The following CACNA2D2 variants were observed in gnomAD, a reference collection of about 807,000 sequenced individuals.
CACNA2D2 encodes calcium voltage-gated channel auxiliary subunit alpha2delta 2.
CACNA2D2 carries 48 observed loss-of-function variants against 166.4 expected under a neutral mutation model. The observed-to-expected ratio is 0.29, with a 90% confidence interval of 0.23 to 0.37. CACNA2D2 has a LOEUF of 0.37. Ranked by LOEUF, CACNA2D2 falls within the 10% of genes least tolerant of loss-of-function variation. The pLI, the probability that CACNA2D2 is intolerant of heterozygous loss-of-function variation, is 1.00. For missense variants in CACNA2D2, 1,122 were observed against 1,433.0 expected, an observed-to-expected ratio of 0.78 and a Z score of 3.50; for synonymous variants, 561 against 573.7, an observed-to-expected ratio of 0.98 and a Z score of 0.32.
rs948324431 is a variant in CACNA2D2, at chr3:50,363,295, CATTA to C, written c.*1367_*1370del. On this transcript the variant is annotated 3_prime_UTR_variant, in exon 38 of 38. Coordinates refer to ENST00000424201, the MANE Select transcript of CACNA2D2 (RefSeq NM_006030.4). The stretch of plus-strand genomic sequence containing the variant: ...ACTGAGAAAGCGACAAGCAACATGA[CATTA>C]ATTAACGAAGCCATTAATTAATGCA... The C allele has an allele frequency of 4.8e-5, 19 of 398,696 alleles. No homozygotes were observed. The highest frequency in any genetic ancestry group is 8.2e-5 in the African/African-American group (4 of 48,614). The allele number at this position is 398,696 out of a possible 1,614,324, so 24.7% of individuals were successfully genotyped here. A position where few individuals can be genotyped will look rare whatever the true frequency, so the allele number is the denominator to read the frequency against.
At chr3:50,371,421 G>C (rs942008353) in intron 22 of CACNA2D2, among the ~76,000 whole-genome samples, 5 of 151,984 alleles carry the variant, frequency 3.3e-5, no homozygotes, top group Non-Finnish European at 7.4e-5. Flanking sequence ...TGAGGATGTG[G>C]CCGCTGGGGC....
In CACNA2D2 at chr3:50,367,055, G is replaced by A. The variant is rs772210162; in HGVS notation, c.2456C>T (p.Thr819Ile). 1.2e-6 allele frequency: 2 copies of A among 1,613,810 alleles called. No individual in the cohort carries two copies. Among genetic ancestry groups the A allele is most frequent in the Non-Finnish European group, 8.5e-7 (1 of 1,180,024 alleles). ...ENDTVGILVSTAVELSLGRRT... is the reference protein window; with the variant it reads ...ENDTVGILVSIAVELSLGRRT... Reference sequence around the variant, plus strand: ...CCTGCCTAGGCTGAGCTCCACAGCTGTGCTGACGAGGATGCCCACAGTGTC... The same window carrying A: ...CCTGCCTAGGCTGAGCTCCACAGCTATGCTGACGAGGATGCCCACAGTGTC... The change falls in exon 28 of 38, where the codon ACA (threonine) becomes ATA (isoleucine). Residue 819 changes from threonine (T) to isoleucine (I), a missense_variant. By Grantham distance (89) the Thr-to-Ile change is moderately conservative (BLOSUM62 -1). This residue lies in a region of CACNA2D2 where 840 missense variants were observed against 1,166.8 expected (regional missense o/e 0.72). Coordinates refer to ENST00000424201, the MANE Select transcript of CACNA2D2 (RefSeq NM_006030.4). This position sits in a 1 kb window ranked among gnomAD's most constrained non-coding sequence, Gnocchi z 6.5.
intron 2 of CACNA2D2, among the ~76,000 whole-genome samples, chr3:50,459,799 CT>C (rs1337578452): frequency 6.6e-6 from 1 of 152,244 alleles, no homozygotes; most frequent in East Asian, 1.9e-4. Flanking sequence ...ACCCCACCAG[CT>C]CACTGGCTGC....
intron 2 of CACNA2D2, among the ~76,000 whole-genome samples, chr3:50,468,036 A>C (rs1179098282): frequency 2.0e-5 from 3 of 152,124 alleles, no homozygotes; most frequent in Non-Finnish European, 2.9e-5. Flanking sequence ...ATCCGAGGCA[A>C]GTGTCTCCGT....
At chr3:50,455,706 C>A (rs1320589000) in intron 2 of CACNA2D2, among the ~76,000 whole-genome samples, 1 of 152,166 alleles carries the variant, frequency 6.6e-6, no homozygotes, top group Non-Finnish European at 1.5e-5. Flanking sequence ...GATGGTGACA[C>A]CCCTCCCGCC....
chr3:50,404,456 G>A (rs561529473), intron 3 of CACNA2D2, among the ~76,000 whole-genome samples: 3 of 152,158 alleles, frequency 2.0e-5, no homozygotes, highest in Non-Finnish European at 4.4e-5. Flanking sequence ...TGGTGGACAG[G>A]AGTGCCTCAT....
rs1704033028 is a variant in CACNA2D2, at chr3:50,363,394, GC to G, written c.*1271del. On this transcript the variant is annotated 3_prime_UTR_variant, in exon 38 of 38. Transcript: ENST00000424201. ...TCCCCTTGCCCTCAGTTCCCCACTG[GC>G]CCCCAGGCTGGGATGCCTTTGGGGG... The G allele has an allele frequency of 2.5e-6, 1 of 397,556 alleles. No homozygotes were observed. 24.6% of individuals were successfully genotyped at this position (397,556 alleles called of 1,614,324 possible). A position where few individuals can be genotyped will look rare whatever the true frequency, so the allele number is the denominator to read the frequency against.
chr3:50,444,022 C>G (rs1207271832), intron 2 of CACNA2D2, among the ~76,000 whole-genome samples: 1 of 152,198 alleles, frequency 6.6e-6, no homozygotes, highest in Non-Finnish European at 1.5e-5. Context: ...CCATAAGTAC[C>G]CTCATGAGAC....
In CACNA2D2 at chr3:50,365,437, C is replaced by G; in HGVS notation, c.3017G>C (p.Cys1006Ser). The change falls in exon 35 of 38, where the codon TGC becomes TCC. Residue 1006 changes from cysteine to serine, a missense_variant. By Grantham distance (112) the Cys-to-Ser change is moderately radical (BLOSUM62 -1). Around this residue, in one of 2 missense-constraint regions of CACNA2D2, gnomAD observed 282 missense variants for 266.2 expected, o/e 1.06. Coordinates refer to ENST00000424201, the MANE Select transcript of CACNA2D2 (RefSeq NM_006030.4). This position sits in a 1 kb window ranked among gnomAD's most constrained non-coding sequence, Gnocchi z 4.5. Reference protein sequence around the residue: ...EGSPETRESSCVMKQTQYYFG... With the variant: ...EGSPETRESSSVMKQTQYYFG... ...GTAGTACTGGGTCTGTTTCATGACG[C>G]AGCTGCTCTCGCGCGTCTCGGGGCT... is the stretch of plus-strand genomic sequence containing the variant. The G allele has an allele frequency of 1.9e-6, 3 of 1,613,674 alleles. No individual in the cohort carries two copies. Among genetic ancestry groups the G allele is most frequent in the Non-Finnish European group, 2.5e-6 (3 of 1,179,904 alleles).
chr3:50,412,580 T>C (rs1052888783), intron 3 of CACNA2D2, among the ~76,000 whole-genome samples: 1 of 150,506 alleles, frequency 6.6e-6, no homozygotes, highest in East Asian at 2.0e-4. Flanking sequence ...CCTTCCCTCA[T>C]TGGCCATGTT....
At chr3:50,497,849 CCA>C (rs1210143844) in intron 1 of CACNA2D2, among the ~76,000 whole-genome samples, 1 of 152,144 alleles carries the variant, frequency 6.6e-6, no homozygotes, top group Non-Finnish European at 1.5e-5. Flanking sequence ...AAAGCAAAAA[CCA>C]CACACACACT....
intron 22 of CACNA2D2, 39 bp downstream of exon 22, chr3:50,374,698 G>T (rs1358514151): frequency 1.3e-6 from 2 of 1,563,974 alleles, no homozygotes; most frequent in African/African-American, 1.4e-5. Flanking sequence ...GCGGGGCAGA[G>T]GCAGGGTGCA....
intron 2 of CACNA2D2, among the ~76,000 whole-genome samples, chr3:50,458,289 G>A (rs1320716741): frequency 1.3e-5 from 2 of 152,216 alleles, no homozygotes; most frequent in Non-Finnish European, 2.9e-5. Flanking sequence ...GTGTCCCTGT[G>A]AGGCTAGCTG....
At chr3:50,381,755 C>T (rs1432397124) in intron 6 of CACNA2D2, among the ~76,000 whole-genome samples, 5 of 152,024 alleles carry the variant, frequency 3.3e-5, no homozygotes, top group Non-Finnish European at 7.4e-5. Flanking sequence ...AACAGGTATA[C>T]CTGTGTCTAA....
chr3:50,364,120 G>C lies in CACNA2D2; in HGVS notation c.*546C>G, dbSNP rs1023855943. On this transcript the variant is annotated 3_prime_UTR_variant, in exon 38 of 38. Coordinates refer to ENST00000424201, the MANE Select transcript of CACNA2D2 (RefSeq NM_006030.4). ...TATCACTGTGACTATCCTGACACCT[G>C]GTGGGCTTGGGGATGTGGCTGTAGG... is the stretch of plus-strand genomic sequence containing the variant. The C allele has an allele frequency of 4.5e-5, 7 of 157,166 alleles. No homozygotes were observed. Among genetic ancestry groups the C allele is most frequent in the African/African-American group, 1.4e-4 (6 of 41,542 alleles). 9.7% of individuals were successfully genotyped at this position (157,166 alleles called of 1,614,324 possible).
At chr3:50,487,081 G>A (rs1698318561) in intron 1 of CACNA2D2, among the ~76,000 whole-genome samples, 1 of 152,230 alleles carries the variant, frequency 6.6e-6, no homozygotes, top group African/African-American at 2.4e-5. Context: ...GCACTCTGAG[G>A]CCTGTGGAAA....
rs1322373048 is a variant in CACNA2D2 at position 50,376,447 on chromosome 3, T to C, written c.1627-259A>G. ...CTCTGCAGTCCTCATCCTCTCCCCC[T>C]GGTTCTCATGAGCTGTCAGTTGTCC... is the stretch of plus-strand genomic sequence containing the variant. On this transcript the variant is annotated intron_variant, in intron 17 of 37. Coordinates refer to ENST00000424201, the MANE Select transcript of CACNA2D2 (RefSeq NM_006030.4). This position sits in a 1 kb window ranked among gnomAD's most constrained non-coding sequence, Gnocchi z 4.3. Among the ~76,000 whole-genome samples, 32 of 152,140 alleles carry C rather than the reference T, an allele frequency of 2.1e-4. No individual in the cohort carries two copies. The highest frequency in any genetic ancestry group is 4.4e-5 in the Non-Finnish European group (3 of 68,004).
intron 2 of CACNA2D2, among the ~76,000 whole-genome samples, chr3:50,435,468 C>T (rs932523107): frequency 2.0e-5 from 3 of 151,710 alleles, no homozygotes; most frequent in Admixed American, 1.3e-4. Flanking sequence ...ACGACTGAGC[C>T]GTGCCACCAG....
intron 1 of CACNA2D2, among the ~76,000 whole-genome samples, chr3:50,489,529 G>C (rs1398625846): frequency 6.6e-6 from 1 of 151,828 alleles, no homozygotes; most frequent in African/African-American, 2.4e-5. Context: ...CCAAGGCATG[G>C]TAAGTGCTAG....
Sources: allele counts gnomAD v4.1 joint callset (sites outside exome capture counted in the v4.1 genomes callset), GRCh38; gene constraint gnomAD v4.1.1; regional missense constraint gnomAD v4.1.1; non-coding constraint Gnocchi (gnomAD v3.1); transcripts MANE v1.5; gene names NCBI Gene and HGNC (gene_info 2026-07-23, HGNC 2026-07-21).